The following IQSEC1 variants were observed in gnomAD, a reference collection of about 807,000 sequenced individuals.
IQSEC1 encodes IQ motif and Sec7 domain ArfGEF 1.
In IQSEC1, 31 loss-of-function variants were observed where a neutral mutation model predicts 91.0. That is an observed-to-expected ratio of 0.34 (90% CI 0.26 to 0.46). The LOEUF (loss-of-function observed/expected upper bound fraction) is 0.46. IQSEC1 is among the 20% of genes least tolerant of loss of function. The pLI is 1.00. For synonymous variants in IQSEC1, 699 were observed against 662.6 expected (o/e 1.05, Z -0.84); for missense variants, 1,388 against 1,575.6 (o/e 0.88, Z 2.02).
chr3:13,076,438 G>A (rs1474139202), upstream of IQSEC1, among the ~76,000 whole-genome samples: 3 of 152,180 alleles, frequency 2.0e-5, no homozygotes, highest in Non-Finnish European at 4.4e-5. Context: ...AGGCTGGCAG[G>A]AACATTCCTG....
chr3:12,971,055 T>C (rs1700866946), intron 1 of IQSEC1, among the ~76,000 whole-genome samples: 1 of 152,252 alleles, frequency 6.6e-6, no homozygotes, highest in East Asian at 1.9e-4. Context: ...ACTTATGTAT[T>C]GTCAATGGCT....
rs1245790491 is a variant in IQSEC1 at position 12,899,417 on chromosome 3, TG to T, written c.*1565del. ...AGGAGCACAGCACTGACGGCTGCAG[TG>T]GCTCGAAAGGCTGAAACTACAAAGT... is the stretch of plus-strand genomic sequence containing the variant. On this transcript the variant is annotated 3_prime_UTR_variant, in exon 14 of 14. Coordinates refer to ENST00000613206, the MANE Select transcript of IQSEC1 (RefSeq NM_001134382.3). 1 of 1,611,764 alleles carries T rather than the reference TG, an allele frequency of 6.2e-7. No individual in the cohort carries two copies. Among genetic ancestry groups the T allele is most frequent in the Non-Finnish European group, 8.5e-7 (1 of 1,179,484 alleles).
rs1456153911 is a variant in IQSEC1, at chr3:13,193,543, C to A, written c.273-29410G>T. ...GGACGAAGAGGAGTGCCAGCCCAGG[C>A]CGCCAGGGTGACAGGAAGAAAGGGA... On this transcript the variant is annotated intron_variant, in intron 1 of 15. Coordinates refer to the IQSEC1 transcript ENST00000648114. The surrounding 1 kb of genome is among the most constrained non-coding windows in gnomAD (Gnocchi z 4.2). 6.6e-6 allele frequency among the ~76,000 whole-genome samples: 1 copy of A among 152,030 alleles called. No individual in the cohort carries two copies.
chr3:13,012,798 G>A (rs899050648), intron 1 of IQSEC1, among the ~76,000 whole-genome samples: 2 of 152,120 alleles, frequency 1.3e-5, no homozygotes. Context: ...AGTTCCAGGA[G>A]GCAATGAAAC....
intron 1 of IQSEC1, among the ~76,000 whole-genome samples, chr3:13,257,584 T>C (rs1297041116): frequency 6.6e-6 from 1 of 152,164 alleles, no homozygotes; most frequent in Non-Finnish European, 1.5e-5. Context: ...TCTTCCTCGT[T>C]TGAGCTCACT....
chr3:13,050,231 A>T (rs184892742), intron 1 of IQSEC1, among the ~76,000 whole-genome samples: 1 of 152,090 alleles, frequency 6.6e-6, no homozygotes, highest in Non-Finnish European at 1.5e-5. Context: ...TTGTCCAGCC[A>T]AGACTGAGGC....
chr3:12,899,368 G>C lies in IQSEC1; in HGVS notation c.*1615C>G. ...GCCTCCGCCTGGGCAGGCGCCGGGG[G>C]GCAGTCCTCGGGTCCCATGGCTTAG... On this transcript the variant is annotated 3_prime_UTR_variant, in exon 14 of 14. Coordinates refer to ENST00000613206, the MANE Select transcript of IQSEC1 (RefSeq NM_001134382.3). 1.2e-6 allele frequency: 2 copies of C among 1,612,250 alleles called. No homozygotes were observed. Among genetic ancestry groups the C allele is most frequent in the South Asian group, 2.2e-5 (2 of 90,938 alleles).
chr3:13,078,125 C>T (rs1334062928), upstream of IQSEC1, among the ~76,000 whole-genome samples: 1 of 152,128 alleles, frequency 6.6e-6, no homozygotes, highest in Non-Finnish European at 1.5e-5. Context: ...AGGAAGGGGG[C>T]GTGGGAGACA....
At chr3:13,216,394 G>A (rs1694551350) in intron 1 of IQSEC1, among the ~76,000 whole-genome samples, 1 of 152,190 alleles carries the variant, frequency 6.6e-6, no homozygotes, top group Non-Finnish European at 1.5e-5. Flanking sequence ...CCCTCGGAAG[G>A]GGCCACTTGA....
At chr3:12,986,465 T>C (rs1263417266) in intron 1 of IQSEC1, among the ~76,000 whole-genome samples, 1 of 152,222 alleles carries the variant, frequency 6.6e-6, no homozygotes, top group Non-Finnish European at 1.5e-5. Flanking sequence ...AGTTTCCTCA[T>C]CTATGAAACA....
intron 1 of IQSEC1, among the ~76,000 whole-genome samples, chr3:12,950,565 C>T (rs1699474480): frequency 2.0e-5 from 3 of 151,752 alleles, no homozygotes; most frequent in African/African-American, 4.8e-5. Flanking sequence ...CCGGTGCTTT[C>T]GGAGGCCAGG....
At position 12,970,570 on chromosome 3, in the gene IQSEC1, G is replaced by T. The variant is rs1247898792; in HGVS notation, c.24-28705C>A. 2.0e-5 allele frequency among the ~76,000 whole-genome samples: 3 copies of T among 152,040 alleles called. No individual in the cohort carries two copies. Among genetic ancestry groups the T allele is most frequent in the African/African-American group, 7.2e-5 (3 of 41,380 alleles). On this transcript the variant is annotated intron_variant, in intron 1 of 13. Coordinates refer to ENST00000613206, the MANE Select transcript of IQSEC1 (RefSeq NM_001134382.3). The surrounding 1 kb of genome is among the most constrained non-coding windows in gnomAD (Gnocchi z 4.4). ...CCTCTCTCCAAGCTGTCAGGATCAA[G>T]CCCAGCCTCCCTGCACAGCCAGCCT...
At chr3:12,963,398 G>C (rs541690425) in intron 1 of IQSEC1, among the ~76,000 whole-genome samples, 1 of 152,356 alleles carries the variant, frequency 6.6e-6, no homozygotes, top group East Asian at 1.9e-4. Flanking sequence ...TTCACAAAAA[G>C]CCACACAGGC....
intron 1 of IQSEC1, among the ~76,000 whole-genome samples, chr3:12,965,364 G>A (rs571816572): frequency 4.4e-4 from 67 of 152,330 alleles, no homozygotes; most frequent in African/African-American, 1.5e-3. Context: ...AGGGGGAGAC[G>A]GCCAGCTTAA....
chr3:13,182,958 A>AT (rs1258602841), intron 1 of IQSEC1, among the ~76,000 whole-genome samples: 1 of 152,156 alleles, frequency 6.6e-6, no homozygotes, highest in Non-Finnish European at 1.5e-5. Flanking sequence ...AGGTCAGGAA[A>AT]TTGAGACCAT....
chr3:13,016,655 C>A (rs1210483635), intron 1 of IQSEC1, among the ~76,000 whole-genome samples: 1 of 152,208 alleles, frequency 6.6e-6, no homozygotes, highest in Non-Finnish European at 1.5e-5. Flanking sequence ...TCTGCCTGCT[C>A]TTCCCCAAGG....
intron 1 of IQSEC1, among the ~76,000 whole-genome samples, chr3:12,943,361 CTG>C (rs1422053305): frequency 6.6e-6 from 1 of 152,248 alleles, no homozygotes; most frequent in Non-Finnish European, 1.5e-5. Context: ...AGCCTTTTCA[CTG>C]TGTGCAGACG....
chr3:13,257,222 G>A (rs543133335), intron 1 of IQSEC1, among the ~76,000 whole-genome samples: 32 of 152,242 alleles, frequency 2.1e-4, no homozygotes, highest in Admixed American at 7.8e-4. Flanking sequence ...CAGGACGAAC[G>A]TTTCCAAGTG....
intron 10 of IQSEC1, among the ~76,000 whole-genome samples, chr3:12,910,339 C>T (rs1347717329): frequency 6.6e-6 from 1 of 152,244 alleles, no homozygotes; most frequent in African/African-American, 2.4e-5. Flanking sequence ...AGCCCTGGGA[C>T]CATAGACATG....
Sources: gnomAD v4.1 joint callset for allele counts (sites outside exome capture counted in the v4.1 genomes callset) on GRCh38, gnomAD v4.1.1 for gene constraint, Gnocchi (gnomAD v3.1) non-coding constraint, MANE v1.5 for transcripts, NCBI Gene and HGNC (gene_info 2026-07-23, HGNC 2026-07-21) for gene names.